DNAH9: variants seen among roughly 807,000 people sequenced by gnomAD.
The protein encoded by DNAH9 is dynein axonemal heavy chain 9.
A neutral mutation model predicts 471.6 loss-of-function variants in DNAH9; 345 were observed. The observed-to-expected ratio is 0.73, with a 90% CI of 0.67 to 0.80. The LOEUF is 0.80. Among genes scored for constraint, DNAH9 ranks in the 30% least tolerant of loss-of-function variants. The pLI, the probability that DNAH9 is intolerant of heterozygous loss-of-function variation, is 0.00. For synonymous variants in DNAH9, 2,093 were observed against 2,123.6 expected (o/e 0.99, Z 0.40); for missense variants, 5,407 against 5,609.2 (o/e 0.96, Z 1.15).
At position 11,958,941 on chromosome 17, in the gene DNAH9, C is replaced by T. The variant is rs552392040; in HGVS notation, c.12844-2926C>T. 5.9e-5 allele frequency among the ~76,000 whole-genome samples: 9 copies of T among 152,038 alleles called. No individual in the cohort carries two copies. The East Asian group carries it at 7.7e-4, about 13-fold the overall frequency. On this transcript the variant is annotated intron_variant, in intron 67 of 68. Coordinates refer to ENST00000262442, the MANE Select transcript of DNAH9 (RefSeq NM_001372.4). ...TAAGATAATATATCATGGCTAAATG[C>T]GGTAATCCTAGGAATACAAGATTAG...
At chr17:11,632,300 A>G (rs1190932180) in intron 7 of DNAH9, among the ~76,000 whole-genome samples, 2 of 152,046 alleles carry the variant, frequency 1.3e-5, no homozygotes, top group East Asian at 3.9e-4. Context: ...TGAGTGAGAG[A>G]GAAGGGGCTT....
intron 36 of DNAH9, among the ~76,000 whole-genome samples, 160 bp downstream of exon 36, chr17:11,763,774 G>T (rs755379955): frequency 1.3e-5 from 2 of 152,214 alleles, no homozygotes; most frequent in African/African-American, 2.4e-5. Context: ...AAAGACATCA[G>T]TTGTCCTAGC....
intron 48 of DNAH9, among the ~76,000 whole-genome samples, chr17:11,831,612 T>C (rs928677410): frequency 9.2e-5 from 14 of 152,064 alleles, no homozygotes; most frequent in African/African-American, 3.4e-4. Flanking sequence ...CTGGGCTTCT[T>C]CTCCTTCTAT....
At chr17:11,907,339 G>A (rs1449315644) in intron 61 of DNAH9, among the ~76,000 whole-genome samples, 1 of 151,998 alleles carries the variant, frequency 6.6e-6, no homozygotes, top group Non-Finnish European at 1.5e-5. Flanking sequence ...GCATGGTGGT[G>A]CATGCCTGTA....
intron 20 of DNAH9, among the ~76,000 whole-genome samples, chr17:11,692,727 GA>G (rs2074355776): frequency 6.6e-6 from 1 of 151,712 alleles, no homozygotes; most frequent in African/African-American, 2.4e-5. Flanking sequence ...GGGTTCTCCA[GA>G]GGTCAGATGA....
chr17:11,954,769 TAAAAA>T (rs34740871), intron 67 of DNAH9, among the ~76,000 whole-genome samples: 1 of 118,734 alleles, frequency 8.4e-6, no homozygotes, highest in Non-Finnish European at 1.8e-5. Context: ...GACTTCGTCT[TAAAAA>T]AAAAAAAAAA....
intron 12 of DNAH9, among the ~76,000 whole-genome samples, chr17:11,649,575 A>G (rs1567690131): frequency 6.6e-6 from 1 of 152,196 alleles, no homozygotes; most frequent in African/African-American, 2.4e-5. Flanking sequence ...TTTCTGGGCT[A>G]ACGGGCATTC....
At chr17:11,795,317 A>G (rs1289163507) in intron 42 of DNAH9, among the ~76,000 whole-genome samples, 2 of 152,296 alleles carry the variant, frequency 1.3e-5, no homozygotes, top group South Asian at 2.1e-4. Flanking sequence ...TGAGCCTTCT[A>G]TTAACCAAAG....
At chr17:11,622,200 G>C (rs2072882866) in intron 6 of DNAH9, among the ~76,000 whole-genome samples, 1 of 152,120 alleles carries the variant, frequency 6.6e-6, no homozygotes, top group Non-Finnish European at 1.5e-5. Context: ...TTGTGAAACT[G>C]GAGTGGGAAT....
At chr17:11,887,988 GT>G (rs548088382) in intron 57 of DNAH9, among the ~76,000 whole-genome samples, 42 of 143,728 alleles carry the variant, frequency 2.9e-4, no homozygotes, top group Middle Eastern at 3.5e-3. Context: ...ATGGTTTTTT[GT>G]TTTTTTTTTT....
chr17:11,706,445 T>A (rs1000081116), intron 26 of DNAH9, among the ~76,000 whole-genome samples: 7 of 152,108 alleles, frequency 4.6e-5, no homozygotes, highest in African/African-American at 1.4e-4. Flanking sequence ...ATAAGACATA[T>A]GTAGATAAAA....
intron 48 of DNAH9, among the ~76,000 whole-genome samples, chr17:11,826,073 T>C (rs868593065): frequency 6.6e-6 from 1 of 152,200 alleles, no homozygotes; most frequent in Non-Finnish European, 1.5e-5. Flanking sequence ...TGGTTTCTTC[T>C]TTGTTCCATT....
Position 11,797,665 on chromosome 17 carries a change from G to A in DNAH9, c.8292G>A (p.Gly2764=). ...NLYCHFANGI[G]EPKYMPVQSW... Reference sequence around the variant, plus strand: ...ATTGTCACTTTGCAAATGGTATTGGGGAGCCCAAATACATGCCTGTACAGT... The same window carrying A: ...ATTGTCACTTTGCAAATGGTATTGGAGAGCCCAAATACATGCCTGTACAGT... Residue 2764 remains glycine, a synonymous_variant, in exon 43 of 69, where the codon GGG becomes GGA. Coordinates refer to ENST00000262442, the MANE Select transcript of DNAH9 (RefSeq NM_001372.4). 1 of 1,614,176 alleles carries A rather than the reference G, an allele frequency of 6.2e-7. No homozygotes were observed. Among genetic ancestry groups the A allele is most frequent in the Non-Finnish European group, 8.5e-7 (1 of 1,180,038 alleles).
chr17:11,905,714 AT>A lies in DNAH9; in HGVS notation c.11658del (p.Phe3886LeufsTer25). ...AAATACGTGGTGGGAAGAGCCCTAG[AT>A]TTTGCAACCTCATTTGAAGAATCGG... ...GSKYVVGRALDFATSFEESGP... is the reference protein window; with the variant it reads ...GSKYVVGRALXFATSFEESGP... On this transcript the variant is annotated frameshift_variant, in exon 61 of 69. Coordinates refer to ENST00000262442, the MANE Select transcript of DNAH9 (RefSeq NM_001372.4). LOFTEE classifies it high-confidence loss of function. 1 of 1,614,032 alleles carries A rather than the reference AT, an allele frequency of 6.2e-7. No individual in the cohort carries two copies. Among genetic ancestry groups the A allele is most frequent in the South Asian group, 1.1e-5 (1 of 91,084 alleles).
rs181752384 is a variant in DNAH9, at chr17:11,880,754, C to A, written c.10602-455C>A. 6.0e-4 allele frequency among the ~76,000 whole-genome samples: 91 copies of A among 152,226 alleles called. No homozygotes were observed. The East Asian group carries it at 0.015, about 25-fold the overall frequency. Reference sequence around the variant, plus strand: ...GAGCCTCACCCACTGCTGGGGCCATCGTTGCCTTTACTGTCCTCAAGTCGT... The same window carrying A: ...GAGCCTCACCCACTGCTGGGGCCATAGTTGCCTTTACTGTCCTCAAGTCGT... On this transcript the variant is annotated intron_variant, in intron 54 of 68. Coordinates refer to ENST00000262442, the MANE Select transcript of DNAH9 (RefSeq NM_001372.4).
rs11868706 is a variant in DNAH9, at chr17:11,822,641, T to G, written c.9012+42T>G. On this transcript the variant is annotated intron_variant, in intron 47 of 68. Transcript: ENST00000262442. ...GACACTCCTAAAAGTCCTTCCCAGATGAGGGTACAATGAATTCCCTGTCCA... is the reference window on the plus strand; with the variant it reads ...GACACTCCTAAAAGTCCTTCCCAGAGGAGGGTACAATGAATTCCCTGTCCA... 1.2e-5 allele frequency: 19 copies of G among 1,610,032 alleles called. No homozygotes were observed. In the African/African-American group the frequency reaches 2.0e-4, roughly 17 times the overall value.
rs757772306 is a variant in DNAH9 at position 11,797,579 on chromosome 17, C to T, written c.8224-18C>T. 1 of 1,599,808 alleles carries T rather than the reference C, an allele frequency of 6.3e-7. No homozygotes were observed. Among genetic ancestry groups the T allele is most frequent in the Non-Finnish European group, 8.5e-7 (1 of 1,172,434 alleles). On this transcript the variant is annotated intron_variant, in intron 42 of 68. Coordinates refer to ENST00000262442, the MANE Select transcript of DNAH9 (RefSeq NM_001372.4). ...GAAGTCAATAATGAGGGCCCTTATT[C>T]CTGTGTCTCATCACCAGGATATTGA...
chr17:11,675,531 T>C (rs1435591146), intron 17 of DNAH9, among the ~76,000 whole-genome samples: 2 of 152,136 alleles, frequency 1.3e-5, no homozygotes, highest in East Asian at 3.8e-4. Flanking sequence ...TTAAAAGGAG[T>C]GCTTTTAACA....
chr17:11,618,902 T>G (rs1244275613), intron 5 of DNAH9, among the ~76,000 whole-genome samples: 1 of 152,156 alleles, frequency 6.6e-6, no homozygotes, highest in Non-Finnish European at 1.5e-5. Flanking sequence ...GCTGTTTGAC[T>G]CCTCCTAGGC....
Sources: allele counts gnomAD v4.1 joint callset (sites outside exome capture counted in the v4.1 genomes callset), GRCh38; gene constraint gnomAD v4.1.1; transcripts MANE v1.5; gene names NCBI Gene and HGNC (gene_info 2026-07-23, HGNC 2026-07-21).